TBC1D9B: variants seen among roughly 807,000 people sequenced by gnomAD.
The protein encoded by TBC1D9B is TBC1 domain family member 9B.
TBC1D9B carries 87 observed loss-of-function variants against 121.1 expected under a neutral mutation model. The observed-to-expected ratio is 0.72, with a 90% CI of 0.60 to 0.86. The LOEUF (loss-of-function observed/expected upper bound fraction) is 0.86. TBC1D9B is among the 40% of genes least tolerant of loss of function. The pLI is 0.00. For synonymous variants in TBC1D9B, 668 were observed against 670.1 expected (o/e 1.00, Z 0.05); for missense variants, 1,540 against 1,628.6 (o/e 0.95, Z 0.94).
At chr5:179,886,933 C>G (rs1052610449) in intron 7 of TBC1D9B, among the ~76,000 whole-genome samples, 1 of 152,232 alleles carries the variant, frequency 6.6e-6, no homozygotes, top group Non-Finnish European at 1.5e-5. Context: ...TGGCCACAGA[C>G]AGAATAAGCA....
Position 179,863,779 on chromosome 5 carries a change from T to C in TBC1D9B, c.3371A>G (p.Gln1124Arg), listed in dbSNP as rs559207451. ...TTTGGTTTCATCGTCAGACAGCAGC[T>C]GGGAGGGTGAGCCCTGTCCCTCGCC... is the stretch of plus-strand genomic sequence containing the variant. ...GSGEGQGSPS[Q>R]LLSDDETKDD... The change falls in exon 21 of 21, where the codon CAG becomes CGG. Residue 1124 changes from glutamine to arginine, a missense_variant. Transcript: ENST00000355235. The surrounding 1 kb of genome is among the most constrained non-coding windows in gnomAD (Gnocchi z 4.5). 6.2e-7 allele frequency: 1 copy of C among 1,613,666 alleles called. No individual in the cohort carries two copies. Among genetic ancestry groups the C allele is most frequent in the African/African-American group, 1.3e-5 (1 of 75,008 alleles).
At position 179,875,133 on chromosome 5, in the gene TBC1D9B, T is replaced by C. The variant is rs143091649; in HGVS notation, c.1955A>G (p.Gln652Arg). The C allele has an allele frequency of 5.9e-5, 95 of 1,613,792 alleles. No individual in the cohort carries two copies. Among genetic ancestry groups the C allele is most frequent in the Non-Finnish European group, 8.0e-5 (94 of 1,180,040 alleles). ...FEELTRDFLP[Q>R]LSEKMQDLGV... is the part of the protein sequence containing the mutation. ...CAGGTCCTGCATCTTCTCCGAGAGC[T>C]GCGGCAGGAAGTCTCTCGTGAGCTC... is the stretch of plus-strand genomic sequence containing the variant. Residue 652 changes from glutamine to arginine, a missense_variant, in exon 12 of 21, where the codon CAG becomes CGG. Transcript: ENST00000355235. This position sits in a 1 kb window ranked among gnomAD's most constrained non-coding sequence, Gnocchi z 4.5.
intron 2 of TBC1D9B, among the ~76,000 whole-genome samples, chr5:179,903,675 G>A (rs1761224486): frequency 6.6e-6 from 1 of 152,192 alleles, no homozygotes. Flanking sequence ...ACGGCCAGCA[G>A]CACTATCACT....
At chr5:179,900,917 C>T (rs1761149319) in intron 2 of TBC1D9B, among the ~76,000 whole-genome samples, 1 of 152,202 alleles carries the variant, frequency 6.6e-6, no homozygotes, top group Admixed American at 6.5e-5. Context: ...TGACCAGGCT[C>T]TTCTGCCAGC....
chr5:179,884,154 A>G (rs1760613118), intron 7 of TBC1D9B, among the ~76,000 whole-genome samples: 1 of 152,182 alleles, frequency 6.6e-6, no homozygotes, highest in East Asian at 1.9e-4. Flanking sequence ...GTAGAAATAA[A>G]GCAGGATTTT....
intron 18 of TBC1D9B, 196 bp from the exon 19 acceptor site, chr5:179,866,084 G>A (rs552360221): frequency 3.4e-6 from 2 of 593,028 alleles, no homozygotes; most frequent in Non-Finnish European, 3.0e-6. Context: ...AAAAGGGCCT[G>A]AGCATTCCCT....
rs1760255461 is a variant in TBC1D9B at position 179,873,199 on chromosome 5, G to A, written c.2236C>T (p.His746Tyr). Residue 746 changes from histidine to tyrosine, a missense_variant, in exon 13 of 21, where the codon CAC becomes TAC. By Grantham distance (83) the His-to-Tyr change is moderately conservative (BLOSUM62 2). Transcript: ENST00000355235. The part of the protein sequence containing the change: ...NKQSVSPPIP[H>Y]LRALLSSSDD... The stretch of plus-strand genomic sequence containing the variant: ...CTGCTGCTCAGCAAGGCACGGAGGT[G>A]CGGGATAGGAGGAGAGACACTCTGC... The A allele has an allele frequency of 2.5e-5, 40 of 1,613,208 alleles. No homozygotes were observed. Among genetic ancestry groups the A allele is most frequent in the Non-Finnish European group, 3.2e-5 (38 of 1,179,738 alleles).
chr5:179,879,938 G>T, intron 7 of TBC1D9B, 149 bp from the exon 8 acceptor site: 2 of 981,922 alleles, frequency 2.0e-6, no homozygotes, highest in Non-Finnish European at 2.9e-6. Context: ...GTCTGGCTGG[G>T]CAGGAGGCTG....
In TBC1D9B at chr5:179,863,781, G is replaced by A. The variant is rs760631016; in HGVS notation, c.3369C>T (p.Ser1123=). ...TGGTTTCATCGTCAGACAGCAGCTGGGAGGGTGAGCCCTGTCCCTCGCCGC... is the reference window on the plus strand; with the variant it reads ...TGGTTTCATCGTCAGACAGCAGCTGAGAGGGTGAGCCCTGTCCCTCGCCGC... ...GGSGEGQGSP[S]QLLSDDETKD... Residue 1123 remains serine, a synonymous_variant, in exon 21 of 21, where the codon TCC becomes TCT. Transcript: ENST00000355235. This position sits in a 1 kb window ranked among gnomAD's most constrained non-coding sequence, Gnocchi z 4.5. 4.3e-6 allele frequency: 7 copies of A among 1,613,718 alleles called. No individual in the cohort carries two copies. The highest frequency in any genetic ancestry group is 5.9e-6 in the Non-Finnish European group (7 of 1,180,012).
In TBC1D9B at chr5:179,862,625, G is replaced by A. The variant is rs1337300053; in HGVS notation, c.*823C>T. The stretch of plus-strand genomic sequence containing the variant: ...TTGCACTCTTCCACCCACTGTGGAG[G>A]ACTAAGTGTCTTGAACTTCCAGAAC... On this transcript the variant is annotated 3_prime_UTR_variant, in exon 21 of 21. Transcript: ENST00000355235. The A allele has an allele frequency of 4.4e-6, 2 of 455,916 alleles. No individual in the cohort carries two copies. Among genetic ancestry groups the A allele is most frequent in the South Asian group, 3.1e-5 (2 of 64,566 alleles). 28.2% of individuals were successfully genotyped at this position (455,916 alleles called of 1,614,324 possible). A position where few individuals can be genotyped will look rare whatever the true frequency, so the allele number is the denominator to read the frequency against.
intron 7 of TBC1D9B, 95 bp from the exon 8 acceptor site, chr5:179,879,884 T>G: frequency 7.2e-7 from 1 of 1,395,620 alleles, no homozygotes; most frequent in South Asian, 1.4e-5. Context: ...CGGGGCCCGG[T>G]GCAAGAAGGG....
intron 1 of TBC1D9B, among the ~76,000 whole-genome samples, chr5:179,905,949 G>C (rs947795458): frequency 2.0e-5 from 3 of 152,100 alleles, no homozygotes; most frequent in South Asian, 2.1e-4. Context: ...GCGCCATCTC[G>C]GCTCACTGCA....
In TBC1D9B at chr5:179,863,113, GCA is replaced by G. The variant is rs954894485; in HGVS notation, c.*333_*334del. 1.2e-5 allele frequency: 4 copies of G among 331,648 alleles called. No individual in the cohort carries two copies. Among genetic ancestry groups the G allele is most frequent in the African/African-American group, 8.4e-5 (4 of 47,644 alleles). 20.5% of individuals were successfully genotyped at this position (331,648 alleles called of 1,614,324 possible). A position where few individuals can be genotyped will look rare whatever the true frequency, so the allele number is the denominator to read the frequency against. The stretch of plus-strand genomic sequence containing the variant: ...TCAGCTGGCCTGGCCGCAGTGTGGA[GCA>G]CAGAGGTATGAGGCAAGCAAGGGCA... On this transcript the variant is annotated 3_prime_UTR_variant, in exon 21 of 21. Coordinates refer to ENST00000355235, the MANE Select transcript of TBC1D9B (RefSeq NM_015043.4). This position sits in a 1 kb window ranked among gnomAD's most constrained non-coding sequence, Gnocchi z 4.5.
rs1761259471 is a variant in TBC1D9B, at chr5:179,904,594, T to G, written c.229+108A>C. 1.0e-6 allele frequency: 1 copy of G among 955,864 alleles called. No individual in the cohort carries two copies. Among genetic ancestry groups the G allele is most frequent in the Non-Finnish European group, 1.6e-6 (1 of 625,054 alleles). 59.2% of individuals were successfully genotyped at this position (955,864 alleles called of 1,614,324 possible). ...CCTCTTGCAGCCTTGGGCTATGCTGTCAGCAGGGAATACCACCCAGACACG... is the reference window on the plus strand; with the variant it reads ...CCTCTTGCAGCCTTGGGCTATGCTGGCAGCAGGGAATACCACCCAGACACG... On this transcript the variant is annotated intron_variant, in intron 2 of 20. Coordinates refer to ENST00000355235, the MANE Select transcript of TBC1D9B (RefSeq NM_015043.4). The surrounding 1 kb of genome is among the most constrained non-coding windows in gnomAD (Gnocchi z 4.2).
intron 18 of TBC1D9B, chr5:179,867,152 A>C: frequency 2.9e-6 from 1 of 345,856 alleles, no homozygotes; most frequent in South Asian, 7.1e-5. Flanking sequence ...CAATGACAGC[A>C]TTTTGTATTT....
intron 18 of TBC1D9B, 25 bp downstream of exon 18, chr5:179,867,753 G>T (rs1760060986): frequency 6.3e-7 from 1 of 1,598,230 alleles, no homozygotes; most frequent in Admixed American, 1.7e-5. Flanking sequence ...GGCTGGGCAT[G>T]TCGGGTGTTC....
At chr5:179,881,114 G>A (rs1039820697) in intron 7 of TBC1D9B, among the ~76,000 whole-genome samples, 13 of 152,186 alleles carry the variant, frequency 8.5e-5, no homozygotes, top group Non-Finnish European at 1.3e-4. Context: ...TGCTCCTGGC[G>A]AGGCGGCAAG....
At chr5:179,888,050 C>G in intron 7 of TBC1D9B, 53 bp downstream of exon 7, 1 of 1,605,104 alleles carries the variant, frequency 6.2e-7, no homozygotes, top group African/African-American at 1.3e-5. Flanking sequence ...TGATGGATGC[C>G]CTGGCTCTTC....
chr5:179,891,340 G>C lies in TBC1D9B; in HGVS notation c.1044+39C>G, dbSNP rs1159364584. On this transcript the variant is annotated intron_variant, in intron 6 of 20. Coordinates refer to ENST00000355235, the MANE Select transcript of TBC1D9B (RefSeq NM_015043.4). The surrounding 1 kb of genome is among the most constrained non-coding windows in gnomAD (Gnocchi z 4.3). ...TCCCTGAGCCCACTGACACCTCGGG[G>C]CTGGAAAGGCCTTGGCCTCTCAACT... 6.2e-7 allele frequency: 1 copy of C among 1,611,292 alleles called. No homozygotes were observed. The highest frequency in any genetic ancestry group is 2.2e-5 in the East Asian group (1 of 44,842).
Sources: allele counts gnomAD v4.1 joint callset (sites outside exome capture counted in the v4.1 genomes callset), GRCh38; gene constraint gnomAD v4.1.1; non-coding constraint Gnocchi (gnomAD v3.1); transcripts MANE v1.5; gene names NCBI Gene and HGNC (gene_info 2026-07-23, HGNC 2026-07-21).